Variants in SLC38A6 observed in about 807,000 individuals in gnomAD.
SLC38A6 encodes N system amino acid transporter NAT-1.
In SLC38A6, 73 loss-of-function variants were observed where a neutral mutation model predicts 65.0. That is an observed-to-expected ratio of 1.12 (90% CI 0.93 to 1.37). The LOEUF (loss-of-function observed/expected upper bound fraction) is 1.37. Ranked by LOEUF, SLC38A6 falls within the 40% of genes most tolerant of loss-of-function variation. The pLI is 0.00. For synonymous variants in SLC38A6, 183 were observed against 178.8 expected, an observed-to-expected ratio of 1.02 and a Z score of -0.19; for missense variants, 561 against 531.1, an observed-to-expected ratio of 1.06 and a Z score of -0.55.
chr14:61,029,401 C>T (rs1009399580), intron 5 of SLC38A6, among the ~76,000 whole-genome samples: 3 of 152,096 alleles, frequency 2.0e-5, no homozygotes, highest in African/African-American at 4.8e-5. Context: ...GTCAACCGCC[C>T]GCCTTGGCCT....
intron 6 of SLC38A6, among the ~76,000 whole-genome samples, chr14:61,033,036 A>G (rs1352689228): frequency 6.6e-6 from 1 of 151,974 alleles, no homozygotes; most frequent in Admixed American, 6.6e-5. Flanking sequence ...CTTTCATGAT[A>G]TATCTATATA....
At chr14:61,078,433 G>A (rs912354051) in intron 15 of SLC38A6, among the ~76,000 whole-genome samples, 7 of 152,194 alleles carry the variant, frequency 4.6e-5, no homozygotes, top group Admixed American at 3.3e-4. Context: ...AGATGTAATA[G>A]CAATTTGAGA....
chr14:60,982,488 C>T lies in SLC38A6; in HGVS notation c.106-20C>T. ...TTCACCGTCCAAACATTTAACACTACTAAATTTGTGTGCTTACAGGAACTT... is the reference window on the plus strand; with the variant it reads ...TTCACCGTCCAAACATTTAACACTATTAAATTTGTGTGCTTACAGGAACTT... On this transcript the variant is annotated intron_variant, in intron 1 of 15. Transcript: ENST00000267488. 1.9e-6 allele frequency: 3 copies of T among 1,600,744 alleles called. No homozygotes were observed. The highest frequency in any genetic ancestry group is 1.1e-5 in the South Asian group (1 of 87,630).
chr14:61,015,829 G>T, intron 3 of SLC38A6, 75 bp from the exon 4 acceptor site: 1 of 1,155,670 alleles, frequency 8.7e-7, no homozygotes, highest in Non-Finnish European at 1.2e-6. Flanking sequence ...TTTGTAGTAG[G>T]ACCTGCTCTT....
intron 3 of SLC38A6, chr14:60,987,497 C>T (rs2139689855): frequency 6.6e-6 from 1 of 152,322 alleles, no homozygotes; most frequent in East Asian, 1.9e-4. Context: ...CTTATTCTCT[C>T]TAGCCTTCGT....
chr14:61,054,557 T>C (rs1309676281), downstream of SLC38A6, among the ~76,000 whole-genome samples: 1 of 152,230 alleles, frequency 6.6e-6, no homozygotes, highest in Admixed American at 6.5e-5. Flanking sequence ...ATTTAAGCAG[T>C]GTTTTATAAT....
chr14:61,000,218 T>C (rs2038609812), intron 3 of SLC38A6, among the ~76,000 whole-genome samples: 1 of 152,232 alleles, frequency 6.6e-6, no homozygotes, highest in Non-Finnish European at 1.5e-5. Context: ...ACAGAGAGTA[T>C]TTAATAAAAG....
At chr14:60,995,379 A>G (rs1334650210) in intron 3 of SLC38A6, among the ~76,000 whole-genome samples, 1 of 152,218 alleles carries the variant, frequency 6.6e-6, no homozygotes, top group East Asian at 1.9e-4. Context: ...AAGGAAAAAT[A>G]CTGCATGATC....
At chr14:61,078,252 G>A (rs1001970859) in intron 15 of SLC38A6, among the ~76,000 whole-genome samples, 5 of 152,184 alleles carry the variant, frequency 3.3e-5, no homozygotes, top group African/African-American at 1.2e-4. Context: ...CTGGGTGAGT[G>A]GGGAAGACTT....
At chr14:61,079,883 G>A (rs2043577550) in intron 16 of SLC38A6, among the ~76,000 whole-genome samples, 1 of 152,156 alleles carries the variant, frequency 6.6e-6, no homozygotes, top group Non-Finnish European at 1.5e-5. Context: ...TCCATGGAAT[G>A]GGAGTTTCAC....
At chr14:61,031,485 A>C (rs1028736173) in intron 6 of SLC38A6, among the ~76,000 whole-genome samples, 1 of 152,156 alleles carries the variant, frequency 6.6e-6, no homozygotes, top group Non-Finnish European at 1.5e-5. Flanking sequence ...ATCTGAATAG[A>C]AACCATCAAG....
chr14:61,031,534 G>C (rs1432720318), intron 6 of SLC38A6, among the ~76,000 whole-genome samples: 1 of 152,028 alleles, frequency 6.6e-6, no homozygotes, highest in Non-Finnish European at 1.5e-5. Flanking sequence ...AGTCCTAAAT[G>C]ATTTCTCTTC....
chr14:60,984,744 C>T lies in SLC38A6; in HGVS notation c.251C>T (p.Thr84Ile). 1 of 1,613,914 alleles carries T rather than the reference C, an allele frequency of 6.2e-7. No individual in the cohort carries two copies. Among genetic ancestry groups the T allele is most frequent in the Non-Finnish European group, 8.5e-7 (1 of 1,179,902 alleles). The change falls in exon 3 of 16, where the codon ACA becomes ATA. Residue 84 changes from threonine (T) to isoleucine (I), a missense_variant. By Grantham distance (89) the Thr-to-Ile change is moderately conservative (BLOSUM62 -1). Transcript: ENST00000267488. The part of the protein sequence containing the change: ...GVFGFSFLLL[T>I]VALLASYSVH... ...TTATGTTTTAGCTTCTTGCTGCTGA[C>T]AGTTGCTCTCCTGGCTTCTTACTCA...
chr14:61,033,318 T>TGC (rs1417242040), intron 6 of SLC38A6, among the ~76,000 whole-genome samples: 4 of 152,034 alleles, frequency 2.6e-5, no homozygotes. Context: ...CCAAAGCATT[T>TGC]GCAATACAGC....
chr14:61,032,165 T>G (rs1488817059), intron 6 of SLC38A6, among the ~76,000 whole-genome samples: 1 of 151,980 alleles, frequency 6.6e-6, no homozygotes, highest in Admixed American at 6.6e-5. Context: ...GAGTCAAATG[T>G]GACACATTTG....
chr14:61,048,315 T>C, intron 12 of SLC38A6: 3 of 343,998 alleles, frequency 8.7e-6, no homozygotes, highest in Non-Finnish European at 1.7e-5. Context: ...TCCTGAATAC[T>C]AATCCAGTGT....
intron 3 of SLC38A6, among the ~76,000 whole-genome samples, chr14:61,010,025 A>G (rs1322169360): frequency 6.6e-6 from 1 of 152,188 alleles, no homozygotes; most frequent in East Asian, 1.9e-4. Flanking sequence ...CTATTTTTCC[A>G]CATCCTCTCC....
intron 15 of SLC38A6, among the ~76,000 whole-genome samples, chr14:61,063,893 G>C (rs1179865139): frequency 6.6e-6 from 1 of 152,186 alleles, no homozygotes; most frequent in Non-Finnish European, 1.5e-5. Flanking sequence ...TAAATGCTCT[G>C]TATAAATTAG....
intron 6 of SLC38A6, chr14:61,030,724 G>A (rs1261024515): frequency 4.3e-6 from 2 of 460,876 alleles, no homozygotes; most frequent in Non-Finnish European, 7.8e-6. Flanking sequence ...TGAAAGCGCT[G>A]TTCTGTGAAC....
Sources: allele counts gnomAD v4.1 joint callset (sites outside exome capture counted in the v4.1 genomes callset), GRCh38; gene constraint gnomAD v4.1.1; transcripts MANE v1.5; gene names NCBI Gene and HGNC (gene_info 2026-07-23, HGNC 2026-07-21).